Variants in MACROD2 observed in about 807,000 individuals in gnomAD.
MACROD2 encodes mono-ADP ribosylhydrolase 2.
A neutral mutation model predicts 70.4 loss-of-function variants in MACROD2; 36 were observed. The observed-to-expected ratio is 0.51, with a 90% confidence interval of 0.39 to 0.68. The LOEUF is 0.68. Among genes scored for constraint, MACROD2 ranks in the 30% least tolerant of loss-of-function variants. MACROD2 has a pLI of 0.00. For missense variants in MACROD2, 496 were observed against 538.4 expected (o/e 0.92, Z 0.78); for synonymous variants, 172 against 178.8 (o/e 0.96, Z 0.30).
intron 8 of MACROD2, among the ~76,000 whole-genome samples, chr20:15,513,603 GAGAA>G (rs1203144915): frequency 2.0e-5 from 3 of 152,156 alleles, no homozygotes; most frequent in African/African-American, 7.2e-5. Context: ...ACATTGACAA[GAGAA>G]AGATTGATAT....
intron 5 of MACROD2, among the ~76,000 whole-genome samples, chr20:14,738,546 C>T (rs560345856): frequency 1.3e-5 from 2 of 152,244 alleles, no homozygotes; most frequent in African/African-American, 4.8e-5. Flanking sequence ...ACTGATTCTT[C>T]TCTGTCAGTG....
At chr20:14,998,024 T>G (rs2074964463) in intron 5 of MACROD2, among the ~76,000 whole-genome samples, 1 of 152,278 alleles carries the variant, frequency 6.6e-6, no homozygotes, top group East Asian at 1.9e-4. Context: ...TCATCAAAAA[T>G]CATAGCATCA....
chr20:15,213,520 A>C (rs1481242990), intron 5 of MACROD2, among the ~76,000 whole-genome samples: 1 of 152,064 alleles, frequency 6.6e-6, no homozygotes, highest in East Asian at 1.9e-4. Flanking sequence ...TTTTCCAGTC[A>C]AGAACTGTGA....
chr20:14,230,657 C>T lies in MACROD2; in HGVS notation c.271+144929C>T, dbSNP rs1463758411. On this transcript the variant is annotated intron_variant, in intron 3 of 17. Transcript: ENST00000684519. The stretch of plus-strand genomic sequence containing the variant: ...TATATATATATATATATATATATAA[C>T]ACAGGCTGGGCCTATATATATATAT... 1.4e-3 allele frequency among the ~76,000 whole-genome samples: 56 copies of T among 40,640 alleles called. 1 individual carries two copies. Among genetic ancestry groups the T allele is most frequent in the African/African-American group, 6.1e-3 (37 of 6,038 alleles). The allele number at this position is 40,640 out of a possible 152,430, so 26.7% of individuals were successfully genotyped here. A position where few individuals can be genotyped will look rare whatever the true frequency, so the allele number is the denominator to read the frequency against.
intron 8 of MACROD2, among the ~76,000 whole-genome samples, chr20:15,812,534 A>G (rs1393247092): frequency 6.6e-6 from 1 of 151,848 alleles, no homozygotes; most frequent in East Asian, 1.9e-4. Flanking sequence ...TTGAAACAGG[A>G]AAAGGGAATC....
intron 6 of MACROD2, among the ~76,000 whole-genome samples, chr20:15,379,160 T>C (rs1320386705): frequency 6.6e-6 from 1 of 152,228 alleles, no homozygotes; most frequent in Non-Finnish European, 1.5e-5. Flanking sequence ...TATGACTATA[T>C]ATGAATGTGT....
intron 10 of MACROD2, among the ~76,000 whole-genome samples, chr20:15,909,758 C>T (rs1322689298): frequency 1.3e-5 from 2 of 151,970 alleles, no homozygotes; most frequent in African/African-American, 4.8e-5. Flanking sequence ...CTCCTGACCT[C>T]GTGATCCGCC....
chr20:15,825,460 C>G (rs2063986697), intron 8 of MACROD2, among the ~76,000 whole-genome samples: 3 of 151,812 alleles, frequency 2.0e-5, no homozygotes, highest in Non-Finnish European at 4.4e-5. Flanking sequence ...CTCAGTCCAC[C>G]CATCCAATTG....
chr20:14,463,892 T>A (rs1044799150), intron 3 of MACROD2, among the ~76,000 whole-genome samples: 1 of 152,072 alleles, frequency 6.6e-6, no homozygotes, highest in African/African-American at 2.4e-5. Context: ...GCCCACTAGA[T>A]CATGGTGGAT....
intron 5 of MACROD2, among the ~76,000 whole-genome samples, chr20:15,063,269 GA>G (rs144527223): frequency 0.16 from 24,457 of 152,170 alleles, 2,653 homozygotes; most frequent in Non-Finnish European, 0.23. Context: ...ATGCTGTCAA[GA>G]AAAAACAAAT....
At chr20:15,822,949 A>G (rs1049693842) in intron 8 of MACROD2, among the ~76,000 whole-genome samples, 8 of 152,182 alleles carry the variant, frequency 5.3e-5, no homozygotes, top group African/African-American at 1.4e-4. Flanking sequence ...TGATGTTCCT[A>G]TAGGCCATGA....
intron 10 of MACROD2, chr20:15,892,959 T>C (rs1298542722): frequency 5.0e-6 from 2 of 398,846 alleles, no homozygotes; most frequent in African/African-American, 4.1e-5. Flanking sequence ...CTCTCCACCC[T>C]ACAAAAAGAG....
intron 3 of MACROD2, among the ~76,000 whole-genome samples, chr20:14,380,203 G>A (rs1035404292): frequency 6.6e-6 from 1 of 152,060 alleles, no homozygotes; most frequent in Non-Finnish European, 1.5e-5. Flanking sequence ...AATGATTAAT[G>A]ATATTGAGCA....
intron 3 of MACROD2, among the ~76,000 whole-genome samples, chr20:14,402,260 T>C (rs1199142329): frequency 6.6e-6 from 1 of 152,108 alleles, no homozygotes; most frequent in Non-Finnish European, 1.5e-5. Context: ...TAAGTTCTGG[T>C]TGTAGTTTAT....
rs562066005 is a variant in MACROD2 at position 14,624,581 on chromosome 20, G to A, written c.302-60262G>A. Reference sequence around the variant, plus strand: ...ATGCACCTTTGGAAAAATAACTTTAGTGTGTGCTACTGGGTGTTGGTAGTA... The same window carrying A: ...ATGCACCTTTGGAAAAATAACTTTAATGTGTGCTACTGGGTGTTGGTAGTA... On this transcript the variant is annotated intron_variant, in intron 4 of 17. Transcript: ENST00000684519. Among the ~76,000 whole-genome samples the A allele has an allele frequency of 1.2e-4, 19 of 152,324 alleles. No individual in the cohort carries two copies. In the South Asian group the frequency reaches 3.5e-3, roughly 28 times the overall value.
chr20:15,463,066 T>TA (rs1475034751), intron 7 of MACROD2, among the ~76,000 whole-genome samples: 1 of 152,352 alleles, frequency 6.6e-6, no homozygotes, highest in East Asian at 1.9e-4. Flanking sequence ...CTATTCATGA[T>TA]AAAAGCTAGT....
At chr20:14,988,355 C>CAAAAAA (rs11087116) in intron 5 of MACROD2, among the ~76,000 whole-genome samples, 1 of 112,242 alleles carries the variant, frequency 8.9e-6, no homozygotes, top group Admixed American at 9.6e-5. Flanking sequence ...GAGACTCTGT[C>CAAAAAA]AAAAAAAAAA....
intron 2 of MACROD2, among the ~76,000 whole-genome samples, chr20:14,006,359 A>G (rs1569111343): frequency 1.3e-5 from 2 of 152,202 alleles, no homozygotes; most frequent in Admixed American, 6.5e-5. Context: ...TTTCATCTAT[A>G]CCAGTGCTCC....
At chr20:15,681,357 CAG>C (rs918033189) in intron 8 of MACROD2, among the ~76,000 whole-genome samples, 3 of 152,166 alleles carry the variant, frequency 2.0e-5, no homozygotes, top group Non-Finnish European at 4.4e-5. Flanking sequence ...TATTCAAAAA[CAG>C]GGGGGCCTAG....
Sources: allele counts gnomAD v4.1 joint callset (sites outside exome capture counted in the v4.1 genomes callset), GRCh38; gene constraint gnomAD v4.1.1; transcripts MANE v1.5; gene names NCBI Gene and HGNC (gene_info 2026-07-23, HGNC 2026-07-21).